Variants in STAU1 observed in about 807,000 individuals in gnomAD.
STAU1 encodes double-stranded RNA-binding protein Staufen homolog 1.
In STAU1, 13 loss-of-function variants were observed where a neutral mutation model predicts 62.9. The ratio of observed to expected loss-of-function variants is 0.21; its 90% CI spans 0.13 to 0.33. The LOEUF (loss-of-function observed/expected upper bound fraction) is 0.33, where lower values mean the gene tolerates loss of function less well. Ranked by LOEUF, STAU1 falls within the 10% of genes least tolerant of loss-of-function variation. The probability of loss-of-function intolerance (pLI) is 1.00; values close to 1 mark genes in which losing one functional copy is unlikely to be tolerated. For missense variants in STAU1, 571 were observed against 712.1 expected (o/e 0.80, Z 2.25); for synonymous variants, 269 against 265.1 (o/e 1.01, Z -0.14).
intron 5 of STAU1, among the ~76,000 whole-genome samples, chr20:49,144,892 T>C (rs1053170483): frequency 6.6e-6 from 1 of 152,140 alleles, no homozygotes; most frequent in African/African-American, 2.4e-5. Context: ...ATTGAAATAA[T>C]TATGTGGAAT....
chr20:49,118,013 C>T lies in STAU1; in HGVS notation c.1273G>A (p.Ala425Thr), dbSNP rs1158563424. Residue 425 changes from alanine (A) to threonine (T), a missense_variant, in exon 11 of 14, where the codon GCC becomes ACC. By Grantham distance (58) the Ala-to-Thr change is moderately conservative. This residue lies in a region of STAU1 where 156 missense variants were observed against 194.7 expected (regional missense o/e 0.80). Coordinates refer to ENST00000371856, the MANE Select transcript of STAU1 (RefSeq NM_017453.4). Reference protein sequence around the residue: ...AGILPMVPEVAQAVGVSQGHH... With the variant: ...AGILPMVPEVTQAVGVSQGHH... ...CCTTGACTAACTCCTACAGCCTGGG[C>T]GACCTCGGGCACCATGGGAAGAATT... 3 of 1,614,128 alleles carry T rather than the reference C, an allele frequency of 1.9e-6. No homozygotes were observed. The highest frequency in any genetic ancestry group is 2.5e-6 in the Non-Finnish European group (3 of 1,180,010).
intron 5 of STAU1, among the ~76,000 whole-genome samples, chr20:49,151,266 G>C (rs767923362): frequency 1.3e-5 from 2 of 152,136 alleles, no homozygotes; most frequent in Non-Finnish European, 2.9e-5. Flanking sequence ...CTTGAGCACC[G>C]AAGACTTCAT....
chr20:49,202,688 G>T, the STAU1 span, among the ~76,000 whole-genome samples: 1 of 151,700 alleles, frequency 6.6e-6, no homozygotes, highest in Non-Finnish European at 1.5e-5. Flanking sequence ...AGTAGTTCAA[G>T]ACCAGCTTCA....
At chr20:49,198,179 C>A in the STAU1 span, among the ~76,000 whole-genome samples, 1 of 152,170 alleles carries the variant, frequency 6.6e-6, no homozygotes, top group African/African-American at 2.4e-5. Context: ...TATACATACA[C>A]ATGGGATATA....
chr20:49,199,630 T>C, the STAU1 span, among the ~76,000 whole-genome samples: 1 of 151,198 alleles, frequency 6.6e-6, no homozygotes, highest in Admixed American at 6.6e-5. Context: ...TGGAGTGCAG[T>C]GGTGCGATCT....
intron 3 of STAU1, among the ~76,000 whole-genome samples, chr20:49,162,065 G>C (rs4141783): frequency 6.6e-6 from 1 of 152,028 alleles, no homozygotes; most frequent in African/African-American, 2.4e-5. Flanking sequence ...CCATTATTTC[G>C]CTAAACTCAA....
At chr20:49,214,642 A>C in the STAU1 span, among the ~76,000 whole-genome samples, 3 of 152,094 alleles carry the variant, frequency 2.0e-5, no homozygotes, top group Non-Finnish European at 2.9e-5. Flanking sequence ...AAGGTAAGCT[A>C]CTCACTTTCT....
At chr20:49,213,317 G>C in the STAU1 span, among the ~76,000 whole-genome samples, 1 of 151,756 alleles carries the variant, frequency 6.6e-6, no homozygotes, top group Non-Finnish European at 1.5e-5. Context: ...TGCAACCTCC[G>C]CCTCCTGGAT....
At position 49,128,771 on chromosome 20, in the gene STAU1, T is replaced by TA. The variant is rs1323513984; in HGVS notation, c.610-4185_610-4184insT. Among the ~76,000 whole-genome samples the TA allele has an allele frequency of 6.0e-3, 162 of 27,180 alleles. 4 individuals are homozygous for TA. The highest frequency in any genetic ancestry group is 0.024 in the African/African-American group (150 of 6,264). 17.8% of individuals were successfully genotyped at this position (27,180 alleles called of 152,430 possible). A position where few individuals can be genotyped will look rare whatever the true frequency, so the allele number is the denominator to read the frequency against. ...GTGCAGGCACAATTAGACATCCAAA[T>TA]CCAAAAAAAAAAAAAAAAAAAAGAC... On this transcript the variant is annotated intron_variant, in intron 6 of 13. Coordinates refer to ENST00000371856, the MANE Select transcript of STAU1 (RefSeq NM_017453.4).
chr20:49,143,608 A>G (rs1007180408), intron 5 of STAU1, among the ~76,000 whole-genome samples: 16 of 152,172 alleles, frequency 1.1e-4, no homozygotes, highest in African/African-American at 3.6e-4. Context: ...AAAACAAAAC[A>G]ACAGAAAAGA....
intron 6 of STAU1, among the ~76,000 whole-genome samples, chr20:49,133,152 G>A (rs1177180462): frequency 6.6e-6 from 1 of 152,214 alleles, no homozygotes; most frequent in African/African-American, 2.4e-5. Context: ...CCTGAACACA[G>A]AGTTGAGAGC....
chr20:49,172,368 A>G (rs146101181), intron 2 of STAU1, among the ~76,000 whole-genome samples: 1 of 152,374 alleles, frequency 6.6e-6, no homozygotes, highest in African/African-American at 2.4e-5. Context: ...ATTCTCAAAA[A>G]TAACAAAATT....
At chr20:49,154,115 G>C in intron 3 of STAU1, 44 bp from the exon 4 acceptor site, 1 of 1,553,392 alleles carries the variant, frequency 6.4e-7, no homozygotes, top group East Asian at 2.3e-5. Context: ...TCTGGTATGA[G>C]AATGATACTC....
chr20:49,176,142 A>G (rs987502735), intron 1 of STAU1, among the ~76,000 whole-genome samples: 1 of 152,184 alleles, frequency 6.6e-6, no homozygotes, highest in African/African-American at 2.4e-5. Context: ...CCGATCACAT[A>G]AGACTGATTT....
chr20:49,207,271 A>T, the STAU1 span, among the ~76,000 whole-genome samples: 1 of 150,562 alleles, frequency 6.6e-6, no homozygotes, highest in Non-Finnish European at 1.5e-5. Flanking sequence ...ATAGCCCCTT[A>T]TGAGCACCTG....
the STAU1 span, among the ~76,000 whole-genome samples, chr20:49,193,830 G>A: frequency 6.6e-6 from 1 of 152,086 alleles, no homozygotes; most frequent in South Asian, 2.1e-4. Flanking sequence ...TTAGCCAGGC[G>A]TGGTGGCGGG....
chr20:49,117,040 C>G lies in STAU1; in HGVS notation c.1632+86G>C, dbSNP rs1600587192. On this transcript the variant is annotated intron_variant, in intron 12 of 13. Transcript: ENST00000371856. This position sits in a 1 kb window ranked among gnomAD's most constrained non-coding sequence, Gnocchi z 4.6. ...GTCTATGGGACAATCTTTCTCCCAT[C>G]TTCCTCAGGCTAGTAACAAGCTGAA... 6.5e-7 allele frequency: 1 copy of G among 1,532,538 alleles called. No individual in the cohort carries two copies. 94.9% of individuals were successfully genotyped at this position (1,532,538 alleles called of 1,614,324 possible).
the STAU1 span, among the ~76,000 whole-genome samples, chr20:49,196,206 G>A: frequency 2.0e-5 from 3 of 151,522 alleles, no homozygotes; most frequent in African/African-American, 4.8e-5. Flanking sequence ...GGAGGCCGAG[G>A]CGGGCGGATC....
chr20:49,187,415 T>G (rs2093801491), intron 1 of STAU1, among the ~76,000 whole-genome samples: 1 of 152,152 alleles, frequency 6.6e-6, no homozygotes, highest in Admixed American at 6.6e-5. Flanking sequence ...CGCGGAACAC[T>G]GCAGCCTCTA....
Sources: gnomAD v4.1 joint callset for allele counts (sites outside exome capture counted in the v4.1 genomes callset) on GRCh38, gnomAD v4.1.1 for gene constraint, gnomAD v4.1.1 regional missense constraint, Gnocchi (gnomAD v3.1) non-coding constraint, MANE v1.5 for transcripts, NCBI Gene and HGNC (gene_info 2026-07-23, HGNC 2026-07-21) for gene names.